Variants in CNTNAP3B observed in about 807,000 individuals in gnomAD.
The protein encoded by CNTNAP3B is contactin-associated protein-like 3B.
A neutral mutation model predicts 108.9 loss-of-function variants in CNTNAP3B; 25 were observed. The observed-to-expected ratio is 0.23, with a 90% confidence interval of 0.17 to 0.32. CNTNAP3B has a LOEUF of 0.32. Among genes scored for constraint, CNTNAP3B ranks in the 10% least tolerant of loss-of-function variants. CNTNAP3B has a pLI of 1.00. For missense variants in CNTNAP3B, 252 were observed against 1,210.4 expected (o/e 0.21, Z 11.75); for synonymous variants, 103 against 473.4 (o/e 0.22, Z 10.16).
At chr9:42,096,470 CT>C (rs1827902519) in intron 2 of CNTNAP3B, among the ~76,000 whole-genome samples, 1 of 138,376 alleles carries the variant, frequency 7.2e-6, no homozygotes, top group Non-Finnish European at 1.5e-5. Flanking sequence ...GGTTCACAGT[CT>C]CTGCAATGAT....
intron 14 of CNTNAP3B, among the ~76,000 whole-genome samples, chr9:41,930,001 T>C (rs1413175479): frequency 2.6e-5 from 4 of 152,362 alleles, no homozygotes; most frequent in South Asian, 2.1e-4. Flanking sequence ...TAGAATAATA[T>C]CTAAGTGATT....
intron 3 of CNTNAP3B, among the ~76,000 whole-genome samples, chr9:42,067,343 GTATGC>G (rs200781862): frequency 5.2e-3 from 768 of 146,710 alleles, no homozygotes; most frequent in Admixed American, 0.048. Context: ...AATTGACGTA[GTATGC>G]TATAAGTGAA....
In CNTNAP3B at chr9:42,115,940, C is replaced by T. The variant is rs1391179125; in HGVS notation, c.86-11201G>A. Among the ~76,000 whole-genome samples, 11 of 132,144 alleles carry T rather than the reference C, an allele frequency of 8.3e-5. 1 individual carries two copies. Among genetic ancestry groups the T allele is most frequent in the South Asian group, 2.5e-4 (1 of 3,982 alleles). 86.7% of individuals were successfully genotyped at this position (132,144 alleles called of 152,430 possible). A position where few individuals can be genotyped will look rare whatever the true frequency, so the allele number is the denominator to read the frequency against. On this transcript the variant is annotated intron_variant, in intron 1 of 23. Coordinates refer to ENST00000377561, the MANE Select transcript of CNTNAP3B (RefSeq NM_001201380.3). ...CTTCTCCGAGCTAAAGGAGGATGTT[C>T]GAACCCGTCGCAAAGAAGCTAAAAA...
chr9:41,930,537 T>C (rs549189311), intron 14 of CNTNAP3B, among the ~76,000 whole-genome samples: 6 of 151,886 alleles, frequency 4.0e-5, no homozygotes, highest in Non-Finnish European at 7.4e-5. Context: ...AGTGAGACCC[T>C]GTCTCAAAAA....
chr9:42,041,958 C>A (rs1369416479), intron 3 of CNTNAP3B, among the ~76,000 whole-genome samples: 1 of 129,304 alleles, frequency 7.7e-6, no homozygotes, highest in South Asian at 2.5e-4. Context: ...AAGCTGGAAA[C>A]CATCATTCTG....
intron 9 of CNTNAP3B, among the ~76,000 whole-genome samples, chr9:41,978,369 T>TTTC (rs1165400398): frequency 4.2e-5 from 3 of 71,686 alleles, no homozygotes; most frequent in African/African-American, 1.7e-4. Flanking sequence ...AAGCATGGCC[T>TTTC]TTCTTCATGC....
intron 3 of CNTNAP3B, among the ~76,000 whole-genome samples, chr9:42,063,996 A>G (rs1188123924): frequency 6.9e-6 from 1 of 144,548 alleles, no homozygotes; most frequent in African/African-American, 2.7e-5. Context: ...TTCCATAAGC[A>G]TTCTTCATTA....
intron 3 of CNTNAP3B, among the ~76,000 whole-genome samples, chr9:42,016,650 T>C (rs1826220529): frequency 6.6e-6 from 1 of 151,924 alleles, no homozygotes; most frequent in African/African-American, 2.4e-5. Flanking sequence ...TGCAGAGGAT[T>C]ACGTCTTCAT....
chr9:42,098,981 C>G (rs1165657154), intron 2 of CNTNAP3B, among the ~76,000 whole-genome samples: 1 of 136,942 alleles, frequency 7.3e-6, no homozygotes, highest in Non-Finnish European at 1.6e-5. Context: ...CACCCAGAGT[C>G]GTGGCTAGGT....
At chr9:42,054,724 T>C (rs1293457629) in intron 3 of CNTNAP3B, among the ~76,000 whole-genome samples, 1 of 151,784 alleles carries the variant, frequency 6.6e-6, no homozygotes, top group Admixed American at 6.6e-5. Flanking sequence ...ATATTACAAC[T>C]AGAATTTGAA....
chr9:42,029,571 C>A (rs571272951), intron 3 of CNTNAP3B, among the ~76,000 whole-genome samples: 1,458 of 120,634 alleles, frequency 0.012, 131 homozygotes, highest in Non-Finnish European at 0.018. Context: ...TGCTCTGTCG[C>A]CCAGGCTGGA....
At chr9:42,125,967 G>A (rs1828561858) in intron 1 of CNTNAP3B, among the ~76,000 whole-genome samples, 1 of 133,536 alleles carries the variant, frequency 7.5e-6, no homozygotes, top group East Asian at 2.3e-4. Flanking sequence ...TTAAGAGTCT[G>A]TTACTCATCT....
chr9:41,922,457 C>G (rs887753655), intron 17 of CNTNAP3B, among the ~76,000 whole-genome samples: 1 of 141,038 alleles, frequency 7.1e-6, no homozygotes, highest in Non-Finnish European at 1.5e-5. Context: ...CACAGTGAGA[C>G]TCTGTCTGAA....
chr9:41,938,589 C>A (rs1824231054), intron 13 of CNTNAP3B, among the ~76,000 whole-genome samples, 189 bp from the exon 14 acceptor site: 3 of 152,282 alleles, frequency 2.0e-5, no homozygotes, highest in Non-Finnish European at 4.4e-5. Context: ...GTTTTTCCCC[C>A]AATATTTCAA....
At chr9:41,950,724 G>A (rs1255644896) in intron 13 of CNTNAP3B, among the ~76,000 whole-genome samples, 2 of 146,500 alleles carry the variant, frequency 1.4e-5, no homozygotes, top group East Asian at 4.0e-4. Flanking sequence ...TTATTAACGA[G>A]CAATAGAGCA....
In CNTNAP3B at chr9:42,121,118, T is replaced by A. The variant is rs1828452724; in HGVS notation, c.85+7892A>T. ...CCAGGAGTTAGCACCCCAAGGGCAG[T>A]GCTGAATCCCTGGACAGGACTCAGG... is the stretch of plus-strand genomic sequence containing the variant. On this transcript the variant is annotated intron_variant, in intron 1 of 23. Coordinates refer to ENST00000377561, the MANE Select transcript of CNTNAP3B (RefSeq NM_001201380.3). Among the ~76,000 whole-genome samples, 2 of 138,790 alleles carry A rather than the reference T, an allele frequency of 1.4e-5. 1 individual carries two copies. The highest frequency in any genetic ancestry group is 3.1e-5 in the Non-Finnish European group (2 of 64,866). 91.1% of individuals were successfully genotyped at this position (138,790 alleles called of 152,430 possible). A position where few individuals can be genotyped will look rare whatever the true frequency, so the allele number is the denominator to read the frequency against.
At chr9:41,924,261 T>G (rs1351905617) in intron 15 of CNTNAP3B, among the ~76,000 whole-genome samples, 168 bp from the exon 16 acceptor site, 1,771 of 139,010 alleles carry the variant, frequency 0.013, no homozygotes, top group Non-Finnish European at 0.019. Context: ...CATCAAGAGC[T>G]AAATGGTGAT....
chr9:41,978,823 T>A (rs1825568131), intron 9 of CNTNAP3B, among the ~76,000 whole-genome samples: 1 of 145,862 alleles, frequency 6.9e-6, no homozygotes, highest in African/African-American at 2.6e-5. Context: ...ATCAACATGG[T>A]AACTATGTGT....
At chr9:41,941,053 A>G (rs988334751) in intron 13 of CNTNAP3B, among the ~76,000 whole-genome samples, 100 of 150,110 alleles carry the variant, frequency 6.7e-4, no homozygotes, top group Non-Finnish European at 1.3e-3. Context: ...CTGTAATACC[A>G]TATGATACTC....
Sources: allele counts gnomAD v4.1 joint callset (sites outside exome capture counted in the v4.1 genomes callset), GRCh38; gene constraint gnomAD v4.1.1; transcripts MANE v1.5; gene names NCBI Gene and HGNC (gene_info 2026-07-23, HGNC 2026-07-21).